The following CALN1 variants were observed in gnomAD, a reference collection of about 807,000 sequenced individuals.
CALN1 encodes the protein calneuron 1, also known as calcium-binding protein 8.
Under a neutral mutation model 30.6 loss-of-function variants are expected in CALN1, and 17 were observed. That is an observed-to-expected ratio of 0.56 (90% CI 0.38 to 0.83). CALN1 has a LOEUF of 0.83. Ranked by LOEUF, CALN1 falls within the 40% of genes least tolerant of loss-of-function variation. The pLI is 0.00. For missense variants in CALN1, 291 were observed against 354.9 expected (o/e 0.82, Z 1.45); for synonymous variants, 156 against 131.4 (o/e 1.19, Z -1.28).
At chr7:71,854,997 C>T (rs1313509370) in intron 5 of CALN1, among the ~76,000 whole-genome samples, 1 of 152,166 alleles carries the variant, frequency 6.6e-6, no homozygotes, top group Non-Finnish European at 1.5e-5. Context: ...CTGTGAAAAG[C>T]TCTGTGCTGT....
At chr7:72,438,732 G>C (rs938336317) in intron 1 of CALN1, among the ~76,000 whole-genome samples, 1 of 151,998 alleles carries the variant, frequency 6.6e-6, no homozygotes, top group Non-Finnish European at 1.5e-5. Flanking sequence ...GCTTCATCTC[G>C]TTGGCATTTA....
chr7:72,317,812 T>C (rs913190295), intron 2 of CALN1, among the ~76,000 whole-genome samples: 10 of 152,092 alleles, frequency 6.6e-5, no homozygotes, highest in African/African-American at 2.4e-4. Flanking sequence ...GGCCCCAGAA[T>C]TGGAGGCTCC....
At chr7:71,795,888 G>C (rs553312745) in intron 6 of CALN1, among the ~76,000 whole-genome samples, 2 of 135,830 alleles carry the variant, frequency 1.5e-5, no homozygotes, top group South Asian at 4.8e-4. Flanking sequence ...GCACCATCTC[G>C]GCTCACTGCA....
chr7:71,999,520 T>G (rs74866851), intron 5 of CALN1, among the ~76,000 whole-genome samples: 1 of 144,788 alleles, frequency 6.9e-6, no homozygotes, highest in Non-Finnish European at 1.5e-5. Flanking sequence ...AGCATATGCA[T>G]TTTTTTTTTT....
intron 2 of CALN1, among the ~76,000 whole-genome samples, chr7:72,368,164 T>C (rs1223302137): frequency 6.6e-6 from 1 of 151,308 alleles, no homozygotes; most frequent in Non-Finnish European, 1.5e-5. Flanking sequence ...TGTGTATATA[T>C]ATATGTGTAT....
At chr7:72,108,776 CT>C (rs34509099) in intron 3 of CALN1, among the ~76,000 whole-genome samples, 37,579 of 152,062 alleles carry the variant, frequency 0.25, 5,548 homozygotes, top group East Asian at 0.69. Context: ...GCCCAAGTCC[CT>C]ATTAAATGTT....
At chr7:72,435,427 C>T (rs576387862) in intron 1 of CALN1, among the ~76,000 whole-genome samples, 1 of 152,298 alleles carries the variant, frequency 6.6e-6, no homozygotes, top group Admixed American at 6.5e-5. Context: ...AGTAACTGTG[C>T]CTCCTAAGTG....
At chr7:72,081,937 T>C (rs894876660) in intron 4 of CALN1, among the ~76,000 whole-genome samples, 1 of 152,176 alleles carries the variant, frequency 6.6e-6, no homozygotes, top group Non-Finnish European at 1.5e-5. Context: ...CCAGAGGTTT[T>C]CATTCATGGT....
In CALN1 at chr7:72,306,112, C is replaced by G. The variant is rs9886138; in HGVS notation, c.120-27302G>C. Among the ~76,000 whole-genome samples, 1,131 of 152,240 alleles carry G rather than the reference C, an allele frequency of 7.4e-3. 15 individuals carry two copies. Among genetic ancestry groups the G allele is most frequent in the African/African-American group, 0.024 (995 of 41,528 alleles). Reference sequence around the variant, plus strand: ...TTTTATCTAACCTTGTATATCATGACTTACTTTCCAAACTGACACTGGTAT... The same window carrying G: ...TTTTATCTAACCTTGTATATCATGAGTTACTTTCCAAACTGACACTGGTAT... On this transcript the variant is annotated intron_variant, in intron 2 of 6. Transcript: ENST00000395275.
chr7:71,827,700 A>T (rs1263293444), intron 5 of CALN1, among the ~76,000 whole-genome samples: 2 of 151,936 alleles, frequency 1.3e-5, no homozygotes, highest in Non-Finnish European at 2.9e-5. Context: ...TGAACCTGGG[A>T]GGCAGAGGTT....
chr7:72,280,540 T>C (rs565990130), intron 2 of CALN1, among the ~76,000 whole-genome samples: 8 of 152,324 alleles, frequency 5.3e-5, no homozygotes, highest in East Asian at 1.9e-4. Flanking sequence ...CCTCCTTTTT[T>C]CTCCAAGTTA....
chr7:72,076,649 C>CAAAAAAAAAAAAAAAAA (rs1224166514), intron 4 of CALN1, among the ~76,000 whole-genome samples: 7 of 47,854 alleles, frequency 1.5e-4, no homozygotes, highest in African/African-American at 3.2e-4. Context: ...AAAAAAAAAG[C>CAAAAAAAAAAAAAAAAA]AAAGACATGC....
intron 5 of CALN1, among the ~76,000 whole-genome samples, chr7:71,895,370 C>T (rs1324513607): frequency 2.6e-5 from 4 of 152,036 alleles, no homozygotes; most frequent in South Asian, 2.1e-4. Context: ...AGTGCAGTGG[C>T]GTGATAACTT....
rs539985114 is a variant in CALN1, at chr7:71,892,625, C to T, written c.502-82133G>A. On this transcript the variant is annotated intron_variant, in intron 5 of 6. Transcript: ENST00000395275. ...GACAGAGTGAAACTCCATTTCCCCCCAAAAAAAATCCAAATTATTTTCAAT... is the reference window on the plus strand; with the variant it reads ...GACAGAGTGAAACTCCATTTCCCCCTAAAAAAAATCCAAATTATTTTCAAT... Among the ~76,000 whole-genome samples, 292 of 151,908 alleles carry T rather than the reference C, an allele frequency of 1.9e-3. 2 individuals carry two copies. Among genetic ancestry groups the T allele is most frequent in the Non-Finnish European group, 2.1e-3 (142 of 67,948 alleles).
intron 5 of CALN1, among the ~76,000 whole-genome samples, chr7:71,885,867 G>T (rs13227550): frequency 0.12 from 17,574 of 152,114 alleles, 1,479 homozygotes; most frequent in East Asian, 0.43. Context: ...CAGGAGTCTT[G>T]CAAACCTTGC....
chr7:71,935,954 A>G (rs750978924), intron 5 of CALN1, among the ~76,000 whole-genome samples: 51 of 152,106 alleles, frequency 3.4e-4, no homozygotes, highest in Non-Finnish European at 6.2e-4. Flanking sequence ...CAGTGCAGGC[A>G]AGGAGGGAGT....
chr7:71,888,646 G>T (rs577127973), intron 5 of CALN1, among the ~76,000 whole-genome samples: 3 of 152,152 alleles, frequency 2.0e-5, no homozygotes, highest in Non-Finnish European at 4.4e-5. Context: ...GGAACAGAAA[G>T]CATATGGCAA....
intron 5 of CALN1, among the ~76,000 whole-genome samples, chr7:71,885,045 T>C (rs1030097281): frequency 6.6e-6 from 1 of 152,248 alleles, no homozygotes; most frequent in Non-Finnish European, 1.5e-5. Flanking sequence ...TTAGACAAAC[T>C]CAACAAATTG....
rs79671316 is a variant in CALN1, at chr7:71,810,072, C to T, written c.658+264G>A. ...CAGCACAAAACCACACATCCAATCA[C>T]ACGCAGACCTCAGAGAGCCTTGAGA... On this transcript the variant is annotated intron_variant, in intron 6 of 6. Coordinates refer to ENST00000395275, the MANE Select transcript of CALN1 (RefSeq NM_031468.4). 1.2e-4 allele frequency among the ~76,000 whole-genome samples: 18 copies of T among 152,256 alleles called. No individual in the cohort carries two copies. The East Asian group carries it at 2.7e-3, about 23-fold the overall frequency.
Sources: allele counts gnomAD v4.1 joint callset (sites outside exome capture counted in the v4.1 genomes callset), GRCh38; gene constraint gnomAD v4.1.1; transcripts MANE v1.5; gene names NCBI Gene and HGNC (gene_info 2026-07-23, HGNC 2026-07-21).